Variants in ZBTB40 observed in about 807,000 individuals in gnomAD.
ZBTB40 encodes zinc finger and BTB domain-containing protein 40.
ZBTB40 carries 60 observed loss-of-function variants against 117.5 expected under a neutral mutation model. The observed-to-expected ratio is 0.51, with a 90% CI of 0.41 to 0.63. The LOEUF is 0.63. ZBTB40 is among the 30% of genes least tolerant of loss of function. The pLI is 0.00. For missense variants in ZBTB40, 1,287 were observed against 1,498.5 expected, an observed-to-expected ratio of 0.86 and a Z score of 2.33; for synonymous variants, 525 against 577.1, an observed-to-expected ratio of 0.91 and a Z score of 1.29.
chr1:22,465,288 C>T (rs770247581), intron 1 of ZBTB40, among the ~76,000 whole-genome samples: 11 of 152,104 alleles, frequency 7.2e-5, no homozygotes, highest in South Asian at 2.1e-4. Flanking sequence ...GGTCATTTGG[C>T]GGTCTCTGCA....
chr1:22,507,808 T>C (rs1400786114), intron 6 of ZBTB40, among the ~76,000 whole-genome samples, 193 bp from the exon 7 acceptor site: 2 of 152,220 alleles, frequency 1.3e-5, no homozygotes, highest in Non-Finnish European at 2.9e-5. Context: ...TTTATGACCC[T>C]GAAGCGCCAA....
intron 16 of ZBTB40, among the ~76,000 whole-genome samples, chr1:22,522,737 A>G (rs970684103): frequency 2.0e-5 from 3 of 151,528 alleles, no homozygotes; most frequent in Non-Finnish European, 4.4e-5. Flanking sequence ...AAATAAATAA[A>G]TACAATTCCA....
chr1:22,459,257 T>G (rs1259907174), intron 1 of ZBTB40, among the ~76,000 whole-genome samples: 3 of 152,206 alleles, frequency 2.0e-5, no homozygotes, highest in Admixed American at 6.5e-5. Context: ...GCAGTCATAG[T>G]TAGGATATTT....
chr1:22,435,018 A>ATT (rs200374120), intron 1 of ZBTB40, among the ~76,000 whole-genome samples: 2 of 139,844 alleles, frequency 1.4e-5, no homozygotes. Context: ...TCCTTCATTA[A>ATT]TTTTTTTTTT....
chr1:22,458,977 TCTC>T (rs1374516311), intron 1 of ZBTB40, among the ~76,000 whole-genome samples: 1 of 152,206 alleles, frequency 6.6e-6, no homozygotes, highest in Non-Finnish European at 1.5e-5. Flanking sequence ...AAACCCTTCT[TCTC>T]TGTTTCTCCT....
chr1:22,479,923 G>T lies in ZBTB40; in HGVS notation c.-69-9957G>T, dbSNP rs1170104676. ...TCCTGTAAGTTCTTTGTTTTTTTGGGGGGGACAGAGTCTCACTCTGTCGCT... is the reference window on the plus strand; with the variant it reads ...TCCTGTAAGTTCTTTGTTTTTTTGGTGGGGACAGAGTCTCACTCTGTCGCT... On this transcript the variant is annotated intron_variant, in intron 1 of 17. Coordinates refer to ENST00000375647, the MANE Select transcript of ZBTB40 (RefSeq NM_014870.4). Among the ~76,000 whole-genome samples, 6 of 151,556 alleles carry T rather than the reference G, an allele frequency of 4.0e-5. No homozygotes were observed. In the East Asian group the frequency reaches 7.7e-4, roughly 20 times the overall value.
chr1:22,500,020 A>G (rs1218769617), intron 3 of ZBTB40, among the ~76,000 whole-genome samples: 1 of 152,206 alleles, frequency 6.6e-6, no homozygotes, highest in Non-Finnish European at 1.5e-5. Context: ...CTTGACACTA[A>G]AAAACATCAA....
chr1:22,457,512 C>G (rs946250823), intron 1 of ZBTB40, among the ~76,000 whole-genome samples: 2 of 152,174 alleles, frequency 1.3e-5, no homozygotes, highest in African/African-American at 4.8e-5. Context: ...TGTCTGACCC[C>G]TGGAGGCGTT....
chr1:22,457,428 C>G (rs1413987437), intron 1 of ZBTB40, among the ~76,000 whole-genome samples: 1 of 152,144 alleles, frequency 6.6e-6, no homozygotes, highest in Non-Finnish European at 1.5e-5. Flanking sequence ...TAGAAAACTC[C>G]TATAGGCCAG....
At chr1:22,454,547 G>A (rs1338253712) in intron 1 of ZBTB40, among the ~76,000 whole-genome samples, 1 of 152,194 alleles carries the variant, frequency 6.6e-6, no homozygotes, top group Non-Finnish European at 1.5e-5. Flanking sequence ...AACCAGTCTA[G>A]CAAGAAGGGG....
intron 12 of ZBTB40, among the ~76,000 whole-genome samples, chr1:22,514,243 C>T (rs1464410275): frequency 2.6e-5 from 4 of 152,172 alleles, no homozygotes; most frequent in Non-Finnish European, 5.9e-5. Context: ...ATAAGGTAAC[C>T]ATTGTTTGAC....
intron 6 of ZBTB40, among the ~76,000 whole-genome samples, chr1:22,507,696 C>T (rs1417647931): frequency 6.6e-6 from 1 of 152,216 alleles, no homozygotes; most frequent in Admixed American, 6.5e-5. Context: ...CCCCTTGAAC[C>T]TGCACATCTG....
At chr1:22,504,875 G>C (rs979893359) in intron 5 of ZBTB40, among the ~76,000 whole-genome samples, 1 of 152,190 alleles carries the variant, frequency 6.6e-6, no homozygotes, top group Non-Finnish European at 1.5e-5. Context: ...TTGTATATCA[G>C]ATTATTGCTT....
chr1:22,478,915 A>G (rs1003584858), intron 1 of ZBTB40, among the ~76,000 whole-genome samples: 2 of 152,200 alleles, frequency 1.3e-5, no homozygotes, highest in African/African-American at 4.8e-5. Context: ...ATTCTCATGG[A>G]AAGTTTCTTG....
At chr1:22,522,904 T>C (rs1465566143) in intron 16 of ZBTB40, among the ~76,000 whole-genome samples, 3 of 150,414 alleles carry the variant, frequency 2.0e-5, no homozygotes, top group Non-Finnish European at 4.4e-5. Context: ...GTAGCTGGAA[T>C]TACAGGTGCC....
rs149445428 is a variant in ZBTB40, at chr1:22,456,406, T to C, written c.-70+4402T>C. 5.7e-4 allele frequency among the ~76,000 whole-genome samples: 87 copies of C among 152,318 alleles called. 1 individual carries two copies. Among genetic ancestry groups the C allele is most frequent in the African/African-American group, 1.9e-3 (80 of 41,572 alleles). ...TACATAAATGTATTATGCTGATCCA[T>C]GTAAGTCAGAGATTGTTAATCTCAG... On this transcript the variant is annotated intron_variant, in intron 1 of 17. Transcript: ENST00000375647.
At chr1:22,466,385 T>C (rs1048954398) in intron 1 of ZBTB40, among the ~76,000 whole-genome samples, 17 of 152,180 alleles carry the variant, frequency 1.1e-4, no homozygotes, top group African/African-American at 3.9e-4. Flanking sequence ...TTTTCATTTG[T>C]CCCAGATATA....
Position 22,501,491 on chromosome 1 carries a change from G to T in ZBTB40, c.832-1G>T. 1 of 1,614,104 alleles carries T rather than the reference G, an allele frequency of 6.2e-7. No individual in the cohort carries two copies. Among genetic ancestry groups the T allele is most frequent in the Non-Finnish European group, 8.5e-7 (1 of 1,179,974 alleles). On this transcript the variant is annotated splice_acceptor_variant, in intron 3 of 17. Transcript: ENST00000375647. LOFTEE classifies it high-confidence loss of function. ...TCTTTCTGGGTACTTTTGTTCCATA[G>T]ATGATAGTGAAATGTTTCGAGGGTG...
chr1:22,523,093 G>A (rs1212337752), intron 16 of ZBTB40, among the ~76,000 whole-genome samples: 1 of 151,292 alleles, frequency 6.6e-6, no homozygotes, highest in African/African-American at 2.4e-5. Context: ...GACTACAGGC[G>A]CCCACCACCA....
Sources: allele counts gnomAD v4.1 joint callset (sites outside exome capture counted in the v4.1 genomes callset), GRCh38; gene constraint gnomAD v4.1.1; transcripts MANE v1.5; gene names NCBI Gene and HGNC (gene_info 2026-07-23, HGNC 2026-07-21).